UROS: variants seen among roughly 807,000 people sequenced by gnomAD.
UROS encodes the protein uroporphyrinogen-III synthase.
UROS carries 18 observed loss-of-function variants against 33.0 expected under a neutral mutation model. That is an observed-to-expected ratio of 0.55 (90% CI 0.38 to 0.81). The LOEUF is 0.81. UROS is among the 30% of genes least tolerant of loss of function. UROS has a pLI of 0.00. For missense variants in UROS, 293 were observed against 314.9 expected (o/e 0.93, Z 0.53); for synonymous variants, 114 against 121.1 (o/e 0.94, Z 0.38).
At chr10:125,786,054 C>G (rs535839736), downstream of UROS, among the ~76,000 whole-genome samples, 1 of 152,262 alleles carries the variant, frequency 6.6e-6, no homozygotes, top group Admixed American at 6.5e-5. Flanking sequence ...GACTCACTCA[C>G]CGTCCTGGGT....
At chr10:125,786,408 G>C (rs1850635105), downstream of UROS, among the ~76,000 whole-genome samples, 1 of 151,722 alleles carries the variant, frequency 6.6e-6, no homozygotes, top group Non-Finnish European at 1.5e-5. Flanking sequence ...CTCCCAAGTA[G>C]CTGGGATTAT....
At chr10:125,801,084 T>C (rs1045682316) in intron 6 of UROS, among the ~76,000 whole-genome samples, 2 of 152,194 alleles carry the variant, frequency 1.3e-5, no homozygotes, top group South Asian at 2.1e-4. Flanking sequence ...TAACAATGAC[T>C]TCCCCCTCTC....
In UROS at chr10:125,812,251, C is replaced by T; in HGVS notation, c.282G>A (p.Lys94=). The change falls in exon 5 of 10, where the codon AAG becomes AAA. Residue 94 remains lysine (K), a synonymous_variant. Coordinates refer to ENST00000368797, the MANE Select transcript of UROS (RefSeq NM_000375.3). ...ERSLKEKWNA[K]SVYVVGNATA... ...TAGCATTTCCAACCACATACACTGA[C>T]TTGGCATTCCATTTTTCTTTCAGAG... is the stretch of plus-strand genomic sequence containing the variant. The T allele has an allele frequency of 6.2e-7, 1 of 1,613,916 alleles. No homozygotes were observed. The highest frequency in any genetic ancestry group is 8.5e-7 in the Non-Finnish European group (1 of 1,179,956).
intron 1 of UROS, among the ~76,000 whole-genome samples, chr10:125,818,617 T>C (rs1296144114): frequency 6.6e-6 from 1 of 152,140 alleles, no homozygotes; most frequent in African/African-American, 2.4e-5. Flanking sequence ...CGTGCACAGA[T>C]AGGTTAACAT....
At chr10:125,808,886 A>T (rs1852564454) in intron 5 of UROS, among the ~76,000 whole-genome samples, 1 of 152,388 alleles carries the variant, frequency 6.6e-6, no homozygotes, top group Middle Eastern at 3.4e-3. Context: ...TGCATGTGGC[A>T]AGACTGACTC....
intron 9 of UROS, among the ~76,000 whole-genome samples, chr10:125,789,696 C>T (rs1337299194): frequency 6.6e-6 from 1 of 152,226 alleles, no homozygotes; most frequent in Non-Finnish European, 1.5e-5. Flanking sequence ...GGGCACTGGC[C>T]TCATCCACAG....
chr10:125,807,901 C>T lies in UROS; in HGVS notation c.320-414G>A, dbSNP rs150809054. ...GGCATTTGGTACTTTTTGCAGGAAT[C>T]GGCATTACAGAGCCTTCATTTTTTT... On this transcript the variant is annotated intron_variant, in intron 5 of 9. Transcript: ENST00000368797. Among the ~76,000 whole-genome samples, 208 of 152,280 alleles carry T rather than the reference C, an allele frequency of 1.4e-3. 5 individuals are homozygous for T. The South Asian group carries it at 0.027, about 20-fold the overall frequency.
chr10:125,797,642 C>T (rs1239616354), intron 7 of UROS, among the ~76,000 whole-genome samples: 1 of 152,144 alleles, frequency 6.6e-6, no homozygotes, highest in Non-Finnish European at 1.5e-5. Flanking sequence ...GCAGGTGGAG[C>T]TGGAGGGGCA....
intron 7 of UROS, 21 bp from the exon 8 acceptor site, chr10:125,796,209 GA>G (rs757816041): frequency 9.3e-6 from 15 of 1,613,270 alleles, no homozygotes; most frequent in Non-Finnish European, 1.3e-5. Context: ...TCAAAAGCAG[GA>G]AAGACTTTAC....
intron 1 of UROS, among the ~76,000 whole-genome samples, chr10:125,820,332 G>A (rs1055193308): frequency 6.6e-6 from 1 of 152,132 alleles, no homozygotes; most frequent in African/African-American, 2.4e-5. Flanking sequence ...TGAGTGTGAA[G>A]GCCTCAGCAC....
At chr10:125,821,680 T>G (rs1041804518) in intron 1 of UROS, among the ~76,000 whole-genome samples, 18 of 152,250 alleles carry the variant, frequency 1.2e-4, no homozygotes, top group Admixed American at 3.9e-4. Flanking sequence ...AAATTGGCTA[T>G]GGTATCTCAG....
intron 9 of UROS, chr10:125,794,450 G>T: frequency 2.6e-6 from 2 of 766,402 alleles, no homozygotes; most frequent in Non-Finnish European, 3.3e-6. Context: ...TCCCTAGTAA[G>T]TGAGAATGTA....
At chr10:125,790,422 GA>G (rs1183908668) in intron 9 of UROS, among the ~76,000 whole-genome samples, 1 of 151,876 alleles carries the variant, frequency 6.6e-6, no homozygotes, top group African/African-American at 2.4e-5. Context: ...AGAAACAAAA[GA>G]AAAAAACAAT....
chr10:125,798,530 G>A (rs1851553490), intron 6 of UROS, among the ~76,000 whole-genome samples: 3 of 152,158 alleles, frequency 2.0e-5, no homozygotes, highest in African/African-American at 7.2e-5. Flanking sequence ...ACTGGCACTG[G>A]GGCAAACATT....
intron 1 of UROS, 132 bp downstream of exon 1, chr10:125,822,897 C>G (rs1366775354): frequency 6.6e-6 from 1 of 152,370 alleles, no homozygotes; most frequent in Non-Finnish European, 1.5e-5. Flanking sequence ...CGGACATCCC[C>G]GCCTGGGCAG....
At chr10:125,794,391 A>G in intron 9 of UROS, 1 of 1,010,428 alleles carries the variant, frequency 9.9e-7, no homozygotes, top group Non-Finnish European at 1.2e-6. Flanking sequence ...GGGTGTTTCT[A>G]TTACAGACAC....
chr10:125,786,549 C>CCA (rs1374264341), downstream of UROS, among the ~76,000 whole-genome samples: 2 of 152,130 alleles, frequency 1.3e-5, no homozygotes, highest in Non-Finnish European at 2.9e-5. Context: ...CAGGTGTGAG[C>CCA]CACCGCGCCT....
At position 125,802,736 on chromosome 10, in the gene UROS, G is replaced by A. The variant is rs1307157540; in HGVS notation, c.395-4591C>T. 4 of 1,404,358 alleles carry A rather than the reference G, an allele frequency of 2.8e-6. No individual in the cohort carries two copies. The East Asian group carries it at 7.9e-5, about 28-fold the overall frequency. 87.0% of individuals were successfully genotyped at this position (1,404,358 alleles called of 1,614,324 possible). On this transcript the variant is annotated intron_variant, in intron 6 of 9. Coordinates refer to ENST00000368797, the MANE Select transcript of UROS (RefSeq NM_000375.3). ...GAGAAAGCCTAGCAGTATCTCTTTA[G>A]GTACAGCCCAGGTAGGGAGGGTAGG...
At chr10:125,814,863 G>C (rs565312282) in intron 4 of UROS, among the ~76,000 whole-genome samples, 171 bp downstream of exon 4, 1 of 152,322 alleles carries the variant, frequency 6.6e-6, no homozygotes, top group East Asian at 1.9e-4. Flanking sequence ...ATCTGTCTGG[G>C]AGTTTAGGAG....
Sources: gnomAD v4.1 joint callset for allele counts (sites outside exome capture counted in the v4.1 genomes callset) on GRCh38, gnomAD v4.1.1 for gene constraint, MANE v1.5 for transcripts, NCBI Gene and HGNC (gene_info 2026-07-23, HGNC 2026-07-21) for gene names.